The following TGFBR2 variants were observed in gnomAD, a reference collection of about 807,000 sequenced individuals.
The protein encoded by TGFBR2 is TGF-beta receptor type-2.
Under a neutral mutation model 49.0 loss-of-function variants are expected in TGFBR2, and 18 were observed. The ratio of observed to expected loss-of-function variants is 0.37; its 90% confidence interval spans 0.25 to 0.54. The LOEUF is 0.54. Among genes scored for constraint, TGFBR2 ranks in the 20% least tolerant of loss-of-function variants. TGFBR2 has a pLI of 0.85. For synonymous variants in TGFBR2, 282 were observed against 275.9 expected (o/e 1.02, Z -0.22); for missense variants, 525 against 722.6 (o/e 0.73, Z 3.13).
At position 30,631,036 on chromosome 3, in the gene TGFBR2, CTTT is replaced by C. The variant is rs34649868; in HGVS notation, c.95-13691_95-13689del. Among the ~76,000 whole-genome samples the C allele has an allele frequency of 4.8e-3, 582 of 120,850 alleles. 4 individuals carry two copies. The highest frequency in any genetic ancestry group is 0.014 in the African/African-American group (436 of 31,536). The allele number at this position is 120,850 out of a possible 152,430, so 79.3% of individuals were successfully genotyped here. A position where few individuals can be genotyped will look rare whatever the true frequency, so the allele number is the denominator to read the frequency against. On this transcript the variant is annotated intron_variant, in intron 1 of 6. Transcript: ENST00000295754. The stretch of plus-strand genomic sequence containing the variant: ...TTGCTAGGACTTGGAAAGGAGTAGC[CTTT>C]TTTTTTTTTTTTTTTTTTTAAATAC...
rs1467679048 is a variant in TGFBR2, at chr3:30,676,853, C to T, written c.1396+2607C>T. Among the ~76,000 whole-genome samples, 1 of 152,168 alleles carries T rather than the reference C, an allele frequency of 6.6e-6. No individual in the cohort carries two copies. The highest frequency in any genetic ancestry group is 1.5e-5 in the Non-Finnish European group (1 of 68,026). ...AGTTTCTTGACTGAGATTTCTTCCC[C>T]CAAAACACTTCCAAAAGTTAACTTT... On this transcript the variant is annotated intron_variant, in intron 5 of 6. Transcript: ENST00000295754. The surrounding 1 kb of genome is among the most constrained non-coding windows in gnomAD (Gnocchi z 4.3).
intron 6 of TGFBR2, 111 bp downstream of exon 6, chr3:30,688,622 C>T: frequency 6.9e-7 from 1 of 1,458,308 alleles, no homozygotes; most frequent in African/African-American, 1.4e-5. Context: ...CCATTGTGTT[C>T]TATGGCCCTG....
At chr3:30,615,243 G>A (rs1698109073) in intron 1 of TGFBR2, among the ~76,000 whole-genome samples, 1 of 152,136 alleles carries the variant, frequency 6.6e-6, no homozygotes. Flanking sequence ...TTACTGTGAA[G>A]TGCTTGAACT....
chr3:30,612,649 G>GT (rs892673903), intron 1 of TGFBR2, among the ~76,000 whole-genome samples: 4 of 152,244 alleles, frequency 2.6e-5, no homozygotes, highest in Admixed American at 2.0e-4. Flanking sequence ...GTGACCTGTG[G>GT]TTTGGCCACT....
intron 1 of TGFBR2, among the ~76,000 whole-genome samples, chr3:30,644,331 T>TG (rs1407357666): frequency 6.6e-6 from 1 of 152,192 alleles, no homozygotes; most frequent in African/African-American, 2.4e-5. Flanking sequence ...CCCTCTATTT[T>TG]GGGTCACCCT....
chr3:30,611,151 A>G (rs191648044), intron 1 of TGFBR2, among the ~76,000 whole-genome samples: 20 of 152,202 alleles, frequency 1.3e-4, no homozygotes, highest in African/African-American at 3.9e-4. Flanking sequence ...AATCCTCTCA[A>G]TCTTATTCAG....
At chr3:30,689,205 T>A (rs1699672870) in intron 6 of TGFBR2, among the ~76,000 whole-genome samples, 2 of 152,170 alleles carry the variant, frequency 1.3e-5, no homozygotes, top group South Asian at 4.1e-4. Flanking sequence ...TCTGGACTCA[T>A]AAAGAGGCTG....
At chr3:30,641,758 G>T (rs1247911525) in intron 1 of TGFBR2, among the ~76,000 whole-genome samples, 4 of 152,004 alleles carry the variant, frequency 2.6e-5, no homozygotes, top group African/African-American at 9.7e-5. Context: ...TCAATGGAAA[G>T]GCTTTCTCTT....
At chr3:30,673,343 G>T (rs1699375849) in intron 4 of TGFBR2, among the ~76,000 whole-genome samples, 1 of 152,168 alleles carries the variant, frequency 6.6e-6, no homozygotes, top group South Asian at 2.1e-4. Context: ...TCCTTGGGAA[G>T]GTAGGACTTT....
chr3:30,661,704 A>C, intron 3 of TGFBR2: 1 of 413,852 alleles, frequency 2.4e-6, no homozygotes, highest in Non-Finnish European at 4.8e-6. Context: ...AACAGAAAGA[A>C]CAAACCATCA....
intron 5 of TGFBR2, among the ~76,000 whole-genome samples, chr3:30,686,638 A>G (rs1699628599): frequency 1.3e-5 from 2 of 152,232 alleles, no homozygotes; most frequent in Non-Finnish European, 2.9e-5. Context: ...TTCGTTACCT[A>G]GAAGTGCAAA....
rs554860763 is a variant in TGFBR2, at chr3:30,679,913, G to A, written c.1396+5667G>A. Among the ~76,000 whole-genome samples, 11 of 152,318 alleles carry A rather than the reference G, an allele frequency of 7.2e-5. No homozygotes were observed. In the Middle Eastern group the frequency reaches 0.01, roughly 141 times the overall value. ...GATGCTGAGGAAGGCAGATCATGAGGTCAGGAGTTTAAGACCAGCCTGGCC... is the reference window on the plus strand; with the variant it reads ...GATGCTGAGGAAGGCAGATCATGAGATCAGGAGTTTAAGACCAGCCTGGCC... On this transcript the variant is annotated intron_variant, in intron 5 of 6. Transcript: ENST00000295754.
At chr3:30,679,155 T>C (rs1449055260) in intron 5 of TGFBR2, among the ~76,000 whole-genome samples, 1 of 152,194 alleles carries the variant, frequency 6.6e-6, no homozygotes, top group Non-Finnish European at 1.5e-5. Context: ...CTAGTCTGTT[T>C]TTAACAGGCA....
chr3:30,691,377 C>G (rs2125454929), intron 6 of TGFBR2, 43 bp from the exon 7 acceptor site: 4 of 1,610,322 alleles, frequency 2.5e-6, no homozygotes, highest in Non-Finnish European at 3.4e-6. Context: ...TTCCGCGGAG[C>G]CCACCAACTC....
At chr3:30,614,367 A>G (rs778365798) in intron 1 of TGFBR2, among the ~76,000 whole-genome samples, 37 of 152,164 alleles carry the variant, frequency 2.4e-4, no homozygotes, top group Non-Finnish European at 4.7e-4. Context: ...GATTTGGTTG[A>G]ACCAACATGA....
chr3:30,648,299 A>C (rs1223664365), intron 2 of TGFBR2, among the ~76,000 whole-genome samples: 17 of 152,070 alleles, frequency 1.1e-4, no homozygotes, highest in Non-Finnish European at 8.8e-5. Flanking sequence ...ATTATAGAGC[A>C]GCTTTCTTTC....
At position 30,672,856 on chromosome 3, in the gene TGFBR2, C is replaced by G. The variant is rs1237506054; in HGVS notation, c.1254+419C>G. Among the ~76,000 whole-genome samples the G allele has an allele frequency of 2.0e-5, 3 of 152,188 alleles. No homozygotes were observed. On this transcript the variant is annotated intron_variant, in intron 4 of 6. Coordinates refer to ENST00000295754, the MANE Select transcript of TGFBR2 (RefSeq NM_003242.6). The surrounding 1 kb of genome is among the most constrained non-coding windows in gnomAD (Gnocchi z 4.5). The stretch of plus-strand genomic sequence containing the variant: ...AAAAGCATCGTGGAAGGCAATCTCC[C>G]TGAAGTCCAAATCTACATCCACATG...
intron 1 of TGFBR2, among the ~76,000 whole-genome samples, chr3:30,632,109 C>T (rs1424559504): frequency 6.6e-6 from 1 of 152,156 alleles, no homozygotes; most frequent in Non-Finnish European, 1.5e-5. Flanking sequence ...CTTTCATCAG[C>T]TGTGAATGAA....
At position 30,688,494 on chromosome 3, in the gene TGFBR2, T is replaced by C. The variant is rs772201128; in HGVS notation, c.1507T>C (p.Phe503Leu). 3 of 1,614,222 alleles carry C rather than the reference T, an allele frequency of 1.9e-6. 1 individual carries two copies. In the East Asian group the frequency reaches 6.7e-5, roughly 36 times the overall value. The change falls in exon 6 of 7, where the codon TTC becomes CTC. Residue 503 changes from phenylalanine to leucine, a missense_variant. Physicochemically the swap from Phe to Leu is conservative, Grantham distance 22 (BLOSUM62 0). Transcript: ENST00000295754. ...TCGAGGGCGACCAGAAATTCCCAGCTTCTGGCTCAACCACCAGGTAAGGAG... is the reference window on the plus strand; with the variant it reads ...TCGAGGGCGACCAGAAATTCCCAGCCTCTGGCTCAACCACCAGGTAAGGAG... ...RDRGRPEIPS[F>L]WLNHQGIQMV...
Sources: allele counts gnomAD v4.1 joint callset (sites outside exome capture counted in the v4.1 genomes callset), GRCh38; gene constraint gnomAD v4.1.1; non-coding constraint Gnocchi (gnomAD v3.1); transcripts MANE v1.5; gene names NCBI Gene and HGNC (gene_info 2026-07-23, HGNC 2026-07-21).